Variants in HERC1 observed in about 807,000 individuals in gnomAD.
HERC1 encodes the protein HECT and RLD domain containing E3 ubiquitin protein ligase family member 1, also known as probable E3 ubiquitin-protein ligase HERC1.
HERC1 carries 160 observed loss-of-function variants against 554.3 expected under a neutral mutation model. The ratio of observed to expected loss-of-function variants is 0.29; its 90% confidence interval spans 0.25 to 0.33. HERC1 has a LOEUF of 0.33. HERC1 is among the 10% of genes least tolerant of loss of function. The pLI is 1.00. For missense variants in HERC1, 4,919 were observed against 5,918.5 expected, an observed-to-expected ratio of 0.83 and a Z score of 5.54; for synonymous variants, 2,175 against 2,131.7, an observed-to-expected ratio of 1.02 and a Z score of -0.56.
Position 63,659,780 on chromosome 15 carries a change from A to C in HERC1, c.9380T>G (p.Met3127Arg). 6.2e-7 allele frequency: 1 copy of C among 1,613,944 alleles called. No homozygotes were observed. Among genetic ancestry groups the C allele is most frequent in the Non-Finnish European group, 8.5e-7 (1 of 1,179,862 alleles). The stretch of plus-strand genomic sequence containing the variant: ...TTCCATACTGTTGGTGGCTGTGACC[A>C]TTGCTACTGATGCTCCCAGTGGATC... ...DSDPLGASVA[M>R]VTATNSMEET... Residue 3127 changes from methionine (M) to arginine (R), a missense_variant, in exon 47 of 78, where the codon ATG (methionine) becomes AGG (arginine). By Grantham distance (91) the Met-to-Arg change is moderately conservative. Coordinates refer to ENST00000443617, the MANE Select transcript of HERC1 (RefSeq NM_003922.4).
chr15:63,650,417 C>CTT (rs74802579), intron 53 of HERC1, among the ~76,000 whole-genome samples: 5 of 143,106 alleles, frequency 3.5e-5, no homozygotes, highest in Admixed American at 1.4e-4. Context: ...TTTCTGTAAC[C>CTT]TTTTTTTTTT....
chr15:63,609,131 T>C lies in HERC1; in HGVS notation c.14536A>G (p.Met4846Val). 1.9e-6 allele frequency: 3 copies of C among 1,613,924 alleles called. No individual in the cohort carries two copies. The highest frequency in any genetic ancestry group is 2.5e-6 in the Non-Finnish European group (3 of 1,179,870). Reference protein sequence around the residue: ...NCRSIDMDNYMLSRNVDNAEG... With the variant: ...NCRSIDMDNYVLSRNVDNAEG... ...GCGTTGTCCACGTTTCTCGAGAGCA[T>C]GTAGTTGTCCATGTCGATTGAGCGG... The change falls in exon 78 of 78, where the codon ATG becomes GTG. Residue 4846 changes from methionine (M) to valine (V), a missense_variant. By Grantham distance (21) the Met-to-Val change is conservative. This residue lies in a region of HERC1 where 71 missense variants were observed against 101.4 expected (regional missense o/e 0.70). Coordinates refer to ENST00000443617, the MANE Select transcript of HERC1 (RefSeq NM_003922.4).
intron 7 of HERC1, among the ~76,000 whole-genome samples, chr15:63,753,627 A>C (rs1266534417): frequency 6.6e-6 from 1 of 152,192 alleles, no homozygotes; most frequent in Non-Finnish European, 1.5e-5. Flanking sequence ...TCACTATTGA[A>C]ATTATTTAAT....
chr15:63,629,190 T>TCCA (rs1229751553), intron 69 of HERC1, among the ~76,000 whole-genome samples: 9 of 152,140 alleles, frequency 5.9e-5, no homozygotes, highest in Admixed American at 5.9e-4. Flanking sequence ...GCTCAGGCAA[T>TCCA]CCACCCACCT....
chr15:63,747,188 G>C, intron 11 of HERC1, 105 bp from the exon 12 acceptor site: 3 of 964,172 alleles, frequency 3.1e-6, no homozygotes, highest in Middle Eastern at 2.8e-4. Flanking sequence ...GGCTAGGTGC[G>C]GTGGCTCATG....
At chr15:63,681,589 A>T (rs891206035) in intron 34 of HERC1, among the ~76,000 whole-genome samples, 3 of 138,332 alleles carry the variant, frequency 2.2e-5, no homozygotes, top group East Asian at 2.0e-4. Flanking sequence ...ACACTGATTT[A>T]AAAAAAAAAA....
chr15:63,784,337 C>G (rs1456449224), intron 1 of HERC1, among the ~76,000 whole-genome samples: 1 of 151,964 alleles, frequency 6.6e-6, no homozygotes, highest in Non-Finnish European at 1.5e-5. Context: ...ATTCACAAAA[C>G]AACTAAAATG....
intron 14 of HERC1, among the ~76,000 whole-genome samples, chr15:63,732,424 A>G (rs2074336218): frequency 6.6e-6 from 1 of 152,234 alleles, no homozygotes; most frequent in Non-Finnish European, 1.5e-5. Context: ...TAGCTATAAC[A>G]TTATTAGCAC....
chr15:63,768,436 A>G (rs1327049619), intron 2 of HERC1, among the ~76,000 whole-genome samples: 3 of 152,256 alleles, frequency 2.0e-5, no homozygotes, highest in Non-Finnish European at 4.4e-5. Context: ...TCAGAAGCTA[A>G]GTGTTTAAAA....
rs1291932325 is a variant in HERC1, at chr15:63,737,491, TATACATATATATATCTTTTTTCCAG to T, written c.2521-2667_2521-2643del. Among the ~76,000 whole-genome samples the T allele has an allele frequency of 9.1e-5, 8 of 87,816 alleles. 1 individual carries two copies. In the South Asian group the frequency reaches 1.5e-3, roughly 17 times the overall value. 57.6% of individuals were successfully genotyped at this position (87,816 alleles called of 152,430 possible). ...TATATCTTTTTTCCAGATATATATA[TATACATATATATATCTTTTTTCCAG>T]ATATATATATATATATATATATATA... On this transcript the variant is annotated intron_variant, in intron 12 of 77. Coordinates refer to ENST00000443617, the MANE Select transcript of HERC1 (RefSeq NM_003922.4).
intron 1 of HERC1, among the ~76,000 whole-genome samples, chr15:63,820,819 C>T (rs996003818): frequency 6.6e-6 from 1 of 152,088 alleles, no homozygotes; most frequent in East Asian, 1.9e-4. Context: ...CCCAGCTTAA[C>T]AGAGACTTTA....
intron 25 of HERC1, among the ~76,000 whole-genome samples, chr15:63,704,172 T>TCACTAAAGGCA (rs1211527879): frequency 6.6e-6 from 1 of 152,206 alleles, no homozygotes; most frequent in Non-Finnish European, 1.5e-5. Flanking sequence ...CCCTACTGTG[T>TCACTAAAGGCA]CAAAGGGCAG....
Position 63,723,250 on chromosome 15 carries a change from G to A in HERC1, c.3674C>T (p.Ala1225Val), listed in dbSNP as rs2073897120. The A allele has an allele frequency of 1.9e-6, 3 of 1,599,808 alleles. No individual in the cohort carries two copies. The highest frequency in any genetic ancestry group is 1.7e-6 in the Non-Finnish European group (2 of 1,172,404). The change falls in exon 19 of 78, where the codon GCA (alanine) becomes GTA (valine). Residue 1225 changes from alanine (A) to valine (V), a missense_variant. Around this residue, in one of 11 missense-constraint regions of HERC1, gnomAD observed 1,121 missense variants for 1,244.0 expected, o/e 0.90. Coordinates refer to ENST00000443617, the MANE Select transcript of HERC1 (RefSeq NM_003922.4). ...RPEIAVYVDL[A>V]LGCSKEPARS... is the part of the protein sequence containing the mutation. ...GGCAGGCTCTTTAGAACAACCCAATGCCAAGTCTACATAGACAGCAATTTC... is the reference window on the plus strand; with the variant it reads ...GGCAGGCTCTTTAGAACAACCCAATACCAAGTCTACATAGACAGCAATTTC...
chr15:63,824,810 G>A (rs1417450016), intron 1 of HERC1, among the ~76,000 whole-genome samples: 2 of 150,400 alleles, frequency 1.3e-5, no homozygotes, highest in African/African-American at 2.5e-5. Flanking sequence ...TGAAACTGGA[G>A]GACACTGTCT....
At position 63,654,150 on chromosome 15, in the gene HERC1, G is replaced by A. The variant is rs149965482; in HGVS notation, c.10259C>T (p.Ser3420Phe). 3.8e-5 allele frequency: 61 copies of A among 1,613,884 alleles called. No individual in the cohort carries two copies. Among genetic ancestry groups the A allele is most frequent in the East Asian group, 1.3e-4 (6 of 44,886 alleles). The change falls in exon 51 of 78, where the codon TCC becomes TTC. Residue 3420 changes from serine to phenylalanine, a missense_variant. Physicochemically the swap from Ser to Phe is radical, Grantham distance 155 (BLOSUM62 -2). Around this residue, in one of 11 missense-constraint regions of HERC1, gnomAD observed 1,963 missense variants for 2,228.6 expected, o/e 0.88. Coordinates refer to ENST00000443617, the MANE Select transcript of HERC1 (RefSeq NM_003922.4). ...CTGATGAGCCTCCAATTTGATAAAG[G>A]AGCATTTTCTAAGATCTCCTCCCAT... Reference protein sequence around the residue: ...ADMGGDLRKCSFIKLEAHQNR... With the variant: ...ADMGGDLRKCFFIKLEAHQNR...
chr15:63,621,184 G>A (rs1249654623), intron 74 of HERC1, among the ~76,000 whole-genome samples: 2 of 152,194 alleles, frequency 1.3e-5, no homozygotes, highest in East Asian at 3.8e-4. Context: ...TTTAGGGCAG[G>A]CCTGGTGGTG....
At chr15:63,805,617 A>G (rs576719557) in intron 1 of HERC1, among the ~76,000 whole-genome samples, 42 of 152,342 alleles carry the variant, frequency 2.8e-4, no homozygotes, top group African/African-American at 9.6e-4. Flanking sequence ...TGGTGAATTT[A>G]TGGTATGTTA....
At chr15:63,828,684 G>A (rs958752151) in intron 1 of HERC1, among the ~76,000 whole-genome samples, 1 of 151,996 alleles carries the variant, frequency 6.6e-6, no homozygotes, top group African/African-American at 2.4e-5. Flanking sequence ...GCAGTGTTTA[G>A]TAACTATAAT....
rs28564545 is a variant in HERC1, at chr15:63,765,241, C to T, written c.931-1050G>A. Among the ~76,000 whole-genome samples, 142 of 152,176 alleles carry T rather than the reference C, an allele frequency of 9.3e-4. 1 individual carries two copies. The highest frequency in any genetic ancestry group is 3.3e-3 in the African/African-American group (135 of 41,512). ...CTTGCAATTTGTGGATTCAGTAATGCGACCATACCCTCCTTTGTTCTCCTC... is the reference window on the plus strand; with the variant it reads ...CTTGCAATTTGTGGATTCAGTAATGTGACCATACCCTCCTTTGTTCTCCTC... On this transcript the variant is annotated intron_variant, in intron 2 of 77. Transcript: ENST00000443617.
Sources: gnomAD v4.1 joint callset for allele counts (sites outside exome capture counted in the v4.1 genomes callset) on GRCh38, gnomAD v4.1.1 for gene constraint, gnomAD v4.1.1 regional missense constraint, MANE v1.5 for transcripts, NCBI Gene and HGNC (gene_info 2026-07-23, HGNC 2026-07-21) for gene names.